The following PTK2 variants were observed in gnomAD, a reference collection of about 807,000 sequenced individuals.
PTK2 encodes protein tyrosine kinase 2, also known as focal adhesion kinase 1.
A neutral mutation model predicts 150.1 loss-of-function variants in PTK2; 45 were observed. That is an observed-to-expected ratio of 0.30 (90% CI 0.24 to 0.38). PTK2 has a LOEUF of 0.38. Ranked by LOEUF, PTK2 falls within the 10% of genes least tolerant of loss-of-function variation. PTK2 has a pLI of 1.00. For missense variants in PTK2, 919 were observed against 1,307.3 expected (o/e 0.70, Z 4.58); for synonymous variants, 432 against 449.2 (o/e 0.96, Z 0.48).
chr8:140,665,062 T>A, intron 30 of PTK2, 65 bp from the exon 35 acceptor site: 5 of 1,399,762 alleles, frequency 3.6e-6, no homozygotes, highest in Non-Finnish European at 4.9e-6. Flanking sequence ...TTTTCAGTTA[T>A]ATATTTTTTT....
intron 1 of PTK2, among the ~76,000 whole-genome samples, chr8:140,972,705 T>C (rs1347165450): frequency 1.3e-5 from 2 of 152,226 alleles, no homozygotes; most frequent in Non-Finnish European, 2.9e-5. Flanking sequence ...TCTGCCCCTT[T>C]ACAAAAAAGT....
chr8:140,952,921 T>A (rs917984467), intron 1 of PTK2, among the ~76,000 whole-genome samples: 1 of 152,186 alleles, frequency 6.6e-6, no homozygotes, highest in Non-Finnish European at 1.5e-5. Flanking sequence ...CTAATTAAAA[T>A]GAGAAAAATG....
intron 16 of PTK2, among the ~76,000 whole-genome samples, chr8:140,759,747 G>A (rs995285818): frequency 2.6e-5 from 4 of 151,784 alleles, no homozygotes; most frequent in South Asian, 2.1e-4. Context: ...TCCTAGTTAC[G>A]AGGGAGGATA....
chr8:140,834,237 T>C (rs1186061897), intron 7 of PTK2, among the ~76,000 whole-genome samples: 3 of 152,120 alleles, frequency 2.0e-5, no homozygotes, highest in African/African-American at 2.4e-5. Flanking sequence ...AGCACAGGGA[T>C]GGGTGAAATG....
At chr8:140,947,168 A>G (rs1205285484) in intron 1 of PTK2, among the ~76,000 whole-genome samples, 1 of 152,056 alleles carries the variant, frequency 6.6e-6, no homozygotes, top group Non-Finnish European at 1.5e-5. Flanking sequence ...CTCTGTCCTC[A>G]CTATCCCTAT....
intron 16 of PTK2, among the ~76,000 whole-genome samples, chr8:140,757,246 C>T (rs931399922): frequency 3.9e-5 from 6 of 152,090 alleles, no homozygotes; most frequent in Admixed American, 2.6e-4. Context: ...CCCCCAATCT[C>T]AAACTGAGGC....
At chr8:140,991,580 G>T (rs1455522850) in intron 1 of PTK2, among the ~76,000 whole-genome samples, 1 of 152,156 alleles carries the variant, frequency 6.6e-6, no homozygotes, top group Non-Finnish European at 1.5e-5. Flanking sequence ...AATCTAAGTG[G>T]TCAAGAAGAC....
chr8:140,970,888 T>A (rs1484493176), intron 1 of PTK2, among the ~76,000 whole-genome samples: 2 of 115,532 alleles, frequency 1.7e-5, no homozygotes, highest in African/African-American at 2.6e-5. Flanking sequence ...AAGAAATATG[T>A]CAAAAAAAAA....
At chr8:140,828,400 G>T (rs1049666488) in intron 8 of PTK2, among the ~76,000 whole-genome samples, 47 of 152,100 alleles carry the variant, frequency 3.1e-4, no homozygotes, top group African/African-American at 1.1e-3. Flanking sequence ...TGGCACCTGT[G>T]ACCTGTACCT....
intron 3 of PTK2, among the ~76,000 whole-genome samples, chr8:140,880,183 G>A (rs1016365999): frequency 6.6e-6 from 1 of 152,130 alleles, no homozygotes; most frequent in Non-Finnish European, 1.5e-5. Context: ...CTTTGAATTC[G>A]GGCCTAATCA....
Position 140,797,219 on chromosome 8 carries a change from T to C in PTK2, c.1093+3240A>G, listed in dbSNP as rs142525665. 4.5e-4 allele frequency among the ~76,000 whole-genome samples: 69 copies of C among 152,328 alleles called. No homozygotes were observed. In the East Asian group the frequency reaches 0.011, roughly 25 times the overall value. On this transcript the variant is annotated intron_variant, in intron 12 of 31. Coordinates refer to ENST00000522684, the Ensembl canonical transcript of PTK2. ...AATGTAATAAACATAAAATGAAATA[T>C]ATCACTGTATCCATATATTCACTGG...
At chr8:140,851,190 T>C (rs2100129078) in intron 5 of PTK2, among the ~76,000 whole-genome samples, 1 of 152,240 alleles carries the variant, frequency 6.6e-6, no homozygotes, top group Non-Finnish European at 1.5e-5. Flanking sequence ...AGGAACTCAA[T>C]GGCAGCTCCA....
At chr8:140,938,295 C>A (rs1408428674) in intron 1 of PTK2, among the ~76,000 whole-genome samples, 1 of 152,176 alleles carries the variant, frequency 6.6e-6, no homozygotes, top group African/African-American at 2.4e-5. Flanking sequence ...CAGTATGGAG[C>A]CTTAAACATT....
At chr8:140,870,140 T>C (rs964495541) in intron 4 of PTK2, among the ~76,000 whole-genome samples, 2 of 152,118 alleles carry the variant, frequency 1.3e-5, no homozygotes, top group African/African-American at 4.8e-5. Context: ...CAAAGAATCA[T>C]CTCAACATAG....
At chr8:140,863,429 A>G (rs367637329) in intron 5 of PTK2, among the ~76,000 whole-genome samples, 9 of 152,162 alleles carry the variant, frequency 5.9e-5, no homozygotes, top group African/African-American at 2.2e-4. Context: ...ATGGCTCCCA[A>G]TATCTGCAGG....
intron 8 of PTK2, among the ~76,000 whole-genome samples, chr8:140,823,716 T>C (rs1331192511): frequency 6.6e-6 from 1 of 152,220 alleles, no homozygotes; most frequent in Non-Finnish European, 1.5e-5. Context: ...AGTTCACTAC[T>C]TACACAGCTG....
At chr8:140,739,666 G>T (rs1374454514) in intron 20 of PTK2, among the ~76,000 whole-genome samples, 1 of 152,084 alleles carries the variant, frequency 6.6e-6, no homozygotes, top group Non-Finnish European at 1.5e-5. Context: ...CTTTAGAAAA[G>T]GAGGCTCAGA....
At chr8:140,931,560 T>C (rs1037130811) in intron 1 of PTK2, among the ~76,000 whole-genome samples, 6 of 152,056 alleles carry the variant, frequency 3.9e-5, no homozygotes, top group Non-Finnish European at 7.4e-5. Context: ...AACAAGACCT[T>C]GTGGTTTTAA....
At chr8:140,866,413 A>C (rs2100139302) in intron 4 of PTK2, among the ~76,000 whole-genome samples, 1 of 152,224 alleles carries the variant, frequency 6.6e-6, no homozygotes. Context: ...CATTTAGTGT[A>C]TGACAGGAAT....
Sources: allele counts gnomAD v4.1 joint callset (sites outside exome capture counted in the v4.1 genomes callset), GRCh38; gene constraint gnomAD v4.1.1; transcripts MANE v1.5; gene names NCBI Gene and HGNC (gene_info 2026-07-23, HGNC 2026-07-21).